The following PATJ variants were observed in gnomAD, a reference collection of about 807,000 sequenced individuals.
PATJ encodes the protein inaD-like protein.
A neutral mutation model predicts 224.9 loss-of-function variants in PATJ; 190 were observed. That is an observed-to-expected ratio of 0.84 (90% CI 0.75 to 0.95). The LOEUF is 0.95. Ranked by LOEUF, PATJ falls within the 40% of genes least tolerant of loss-of-function variation. PATJ has a pLI of 0.00. For missense variants in PATJ, 2,121 were observed against 2,270.3 expected (o/e 0.93, Z 1.34); for synonymous variants, 769 against 820.3 (o/e 0.94, Z 1.07).
chr1:61,874,403 G>A (rs1427847939), intron 20 of PATJ, among the ~76,000 whole-genome samples: 1 of 151,908 alleles, frequency 6.6e-6, no homozygotes, highest in African/African-American at 2.4e-5. Context: ...TCCCCATGTT[G>A]GCTGGGCTGG....
At position 61,827,436 on chromosome 1, in the gene PATJ, G is replaced by A. The variant is rs745954689; in HGVS notation, c.1833G>A (p.Gln611=). The A allele has an allele frequency of 6.2e-7, 1 of 1,613,818 alleles. No homozygotes were observed. Among genetic ancestry groups the A allele is most frequent in the Non-Finnish European group, 8.5e-7 (1 of 1,179,904 alleles). ...TGTCTTCCTAGGTCAATGGCATGCA[G>A]CTTTATGGAAAATCTCGCCGAGAAG... ...EDELLEVNGM[Q]LYGKSRREAV... is the part of the protein sequence containing the mutation. Residue 611 remains glutamine, a synonymous_variant, in exon 16 of 44, where the codon CAG becomes CAA. Coordinates refer to ENST00000642238, the MANE Select transcript of PATJ (RefSeq NM_001350145.3).
intron 38 of PATJ, 129 bp from the exon 39 acceptor site, chr1:62,122,892 A>G (rs1291413552): frequency 4.0e-6 from 2 of 505,150 alleles, no homozygotes; most frequent in Non-Finnish European, 3.3e-6. Context: ...GGAAGGGTAC[A>G]ATACCTGCTT....
intron 26 of PATJ, among the ~76,000 whole-genome samples, chr1:61,924,672 A>G (rs1321442758): frequency 1.3e-5 from 2 of 152,320 alleles, no homozygotes; most frequent in South Asian, 2.1e-4. Flanking sequence ...CCAATCAGAA[A>G]GAGATTCTTT....
intron 1 of PATJ, among the ~76,000 whole-genome samples, chr1:61,748,547 C>T (rs900404307): frequency 3.9e-5 from 6 of 152,038 alleles, no homozygotes; most frequent in African/African-American, 9.7e-5. Context: ...TGAGCCACTG[C>T]GCCTGGCCAT....
chr1:62,153,484 A>G lies in PATJ; in HGVS notation c.5502+3A>G, dbSNP rs946714049. The G allele has an allele frequency of 8.1e-6, 10 of 1,230,810 alleles. No homozygotes were observed. The highest frequency in any genetic ancestry group is 6.1e-6 in the Non-Finnish European group (6 of 986,940). 76.2% of individuals were successfully genotyped at this position (1,230,810 alleles called of 1,614,324 possible). A position where few individuals can be genotyped will look rare whatever the true frequency, so the allele number is the denominator to read the frequency against. On this transcript the variant is annotated splice_donor_region_variant and intron_variant, in intron 43 of 43. Coordinates refer to ENST00000642238, the MANE Select transcript of PATJ (RefSeq NM_001350145.3). Reference sequence around the variant, plus strand: ...ATGTCAAGACTGTATTTGCAAAGGTATATCTTCTTTTTTAATGTACTTTTT... The same window carrying G: ...ATGTCAAGACTGTATTTGCAAAGGTGTATCTTCTTTTTTAATGTACTTTTT...
chr1:62,146,168 A>G (rs1393035607), intron 41 of PATJ, among the ~76,000 whole-genome samples: 1 of 152,030 alleles, frequency 6.6e-6, no homozygotes, highest in Non-Finnish European at 1.5e-5. Flanking sequence ...CACAGCGGTT[A>G]AAGTGCTGAG....
chr1:62,065,929 A>C (rs888528648), intron 31 of PATJ, among the ~76,000 whole-genome samples: 1 of 152,174 alleles, frequency 6.6e-6, no homozygotes, highest in African/African-American at 2.4e-5. Flanking sequence ...GAGTCTATGA[A>C]GTTTTCGGTT....
chr1:61,851,385 C>CTA (rs902588572), intron 17 of PATJ, among the ~76,000 whole-genome samples: 1 of 152,090 alleles, frequency 6.6e-6, no homozygotes, highest in African/African-American at 2.4e-5. Context: ...GGGGCAAACT[C>CTA]TAGACAAGTG....
At chr1:61,753,877 TAAAA>T (rs1454182777) in intron 1 of PATJ, among the ~76,000 whole-genome samples, 1 of 149,096 alleles carries the variant, frequency 6.7e-6, no homozygotes, top group East Asian at 1.9e-4. Flanking sequence ...ATATAATAAA[TAAAA>T]TAAATATAAA....
chr1:61,978,736 G>A (rs1158591796), intron 27 of PATJ, among the ~76,000 whole-genome samples: 1 of 151,988 alleles, frequency 6.6e-6, no homozygotes. Context: ...ATGTATAGAA[G>A]AGTGTTTTTA....
chr1:61,782,366 A>G (rs1334901433), intron 7 of PATJ, among the ~76,000 whole-genome samples: 1 of 152,160 alleles, frequency 6.6e-6, no homozygotes, highest in Non-Finnish European at 1.5e-5. Flanking sequence ...TGGGAGAGAA[A>G]TGTATTCTCA....
intron 12 of PATJ, among the ~76,000 whole-genome samples, chr1:61,802,040 A>T (rs1380532031): frequency 6.6e-6 from 1 of 151,506 alleles, no homozygotes; most frequent in African/African-American, 2.4e-5. Context: ...GCACCCATTA[A>T]CTCATCATTT....
chr1:61,787,953 C>T lies in PATJ; in HGVS notation c.1049C>T (p.Ala350Val). The stretch of plus-strand genomic sequence containing the variant: ...TTACCTGTTGCCCTGCCTACTGTAG[C>T]CAGCAAGGGCCCTGGTTCTGTGAGT... ...AALPVALPTV[A>V]SKGPGSDSSL... Residue 350 changes from alanine to valine, a missense_variant, in exon 8 of 44, where the codon GCC becomes GTC. Transcript: ENST00000642238. The T allele has an allele frequency of 1.9e-6, 3 of 1,613,088 alleles. No individual in the cohort carries two copies. Among genetic ancestry groups the T allele is most frequent in the Non-Finnish European group, 2.5e-6 (3 of 1,179,664 alleles).
At chr1:61,766,239 C>T in intron 3 of PATJ, 40 bp from the exon 4 acceptor site, 2 of 1,343,262 alleles carry the variant, frequency 1.5e-6, no homozygotes, top group Non-Finnish European at 2.0e-6. Flanking sequence ...AACAATTTTT[C>T]TATAGATTTC....
intron 31 of PATJ, among the ~76,000 whole-genome samples, chr1:62,075,305 C>G (rs1035703592): frequency 3.9e-5 from 6 of 152,134 alleles, no homozygotes; most frequent in Non-Finnish European, 8.8e-5. Flanking sequence ...TTTTCCATCC[C>G]TGAAGGTTTT....
At chr1:61,975,430 G>A (rs565351394) in intron 27 of PATJ, among the ~76,000 whole-genome samples, 1 of 152,128 alleles carries the variant, frequency 6.6e-6, no homozygotes, top group Non-Finnish European at 1.5e-5. Flanking sequence ...ATAGCATAGT[G>A]CCTAGCCCAG....
chr1:61,865,766 C>A (rs1413667079), intron 20 of PATJ, among the ~76,000 whole-genome samples: 2 of 152,136 alleles, frequency 1.3e-5, no homozygotes, highest in African/African-American at 4.8e-5. Flanking sequence ...GTAATATGTT[C>A]ATATGCAGCG....
intron 1 of PATJ, among the ~76,000 whole-genome samples, chr1:61,757,605 C>G (rs527350148): frequency 3.3e-5 from 5 of 151,370 alleles, no homozygotes; most frequent in Middle Eastern, 3.5e-3. Context: ...AGGCTGGTTT[C>G]AGACTCCTGG....
intron 22 of PATJ, among the ~76,000 whole-genome samples, chr1:61,884,994 G>T (rs975181366): frequency 1.8e-4 from 27 of 152,152 alleles, no homozygotes; most frequent in African/African-American, 6.0e-4. Context: ...GGTCTGTCTG[G>T]ACATGGGTAA....
Sources: allele counts gnomAD v4.1 joint callset (sites outside exome capture counted in the v4.1 genomes callset), GRCh38; gene constraint gnomAD v4.1.1; transcripts MANE v1.5; gene names NCBI Gene and HGNC (gene_info 2026-07-23, HGNC 2026-07-21).